MAGI1: variants seen among roughly 807,000 people sequenced by gnomAD.
The protein encoded by MAGI1 is membrane associated guanylate kinase, WW and PDZ domain containing 1.
A neutral mutation model predicts 139.9 loss-of-function variants in MAGI1; 58 were observed. That is an observed-to-expected ratio of 0.41 (90% CI 0.34 to 0.52). The LOEUF (loss-of-function observed/expected upper bound fraction) is 0.52. MAGI1 is among the 20% of genes least tolerant of loss of function. The pLI is 0.12. For missense variants in MAGI1, 1,874 were observed against 1,901.6 expected (o/e 0.99, Z 0.27); for synonymous variants, 812 against 737.9 (o/e 1.10, Z -1.63).
At chr3:65,451,072 C>T (rs1422393645) in intron 6 of MAGI1, among the ~76,000 whole-genome samples, 2 of 152,036 alleles carry the variant, frequency 1.3e-5, no homozygotes, top group Non-Finnish European at 2.9e-5. Context: ...AAACTAACTG[C>T]ATTTGGTATG....
At chr3:65,666,047 G>T (rs1207062236) in intron 1 of MAGI1, among the ~76,000 whole-genome samples, 1 of 152,062 alleles carries the variant, frequency 6.6e-6, no homozygotes, top group Non-Finnish European at 1.5e-5. Context: ...TATGGTCACT[G>T]AAAAAGTAAC....
intron 1 of MAGI1, among the ~76,000 whole-genome samples, chr3:65,899,873 T>C (rs2061146981): frequency 6.6e-6 from 1 of 152,170 alleles, no homozygotes; most frequent in African/African-American, 2.4e-5. Flanking sequence ...TCAGATACCA[T>C]AGAAGTCTTG....
chr3:65,541,817 T>C (rs936128548), intron 2 of MAGI1, among the ~76,000 whole-genome samples: 3 of 152,096 alleles, frequency 2.0e-5, no homozygotes, highest in East Asian at 3.9e-4. Context: ...AAATATCATG[T>C]TGAATGGGCA....
intron 5 of MAGI1, among the ~76,000 whole-genome samples, chr3:65,461,505 T>TC (rs1323741250): frequency 6.7e-6 from 1 of 148,812 alleles, no homozygotes; most frequent in Non-Finnish European, 1.5e-5. Context: ...TTTTTTTTTT[T>TC]TAAGACAGAG....
Position 65,551,360 on chromosome 3 carries a change from G to A in MAGI1, c.431-57729C>T, listed in dbSNP as rs975811749. ...CGGTCACCCAGGCTGGAGTGCAGTCGCATGATCTTGGCTCACTGTAGCCTC... is the reference window on the plus strand; with the variant it reads ...CGGTCACCCAGGCTGGAGTGCAGTCACATGATCTTGGCTCACTGTAGCCTC... On this transcript the variant is annotated intron_variant, in intron 2 of 22. Transcript: ENST00000402939. 4.6e-5 allele frequency among the ~76,000 whole-genome samples: 7 copies of A among 152,144 alleles called. No individual in the cohort carries two copies. In the South Asian group the frequency reaches 6.2e-4, roughly 14 times the overall value.
intron 12 of MAGI1, among the ~76,000 whole-genome samples, chr3:65,417,144 G>A (rs915597826): frequency 1.3e-5 from 2 of 152,160 alleles, no homozygotes; most frequent in African/African-American, 2.4e-5. Context: ...ACAAAGTGAG[G>A]CTGCAAGCAC....
intron 1 of MAGI1, among the ~76,000 whole-genome samples, chr3:65,830,776 A>C (rs2042479267): frequency 6.6e-6 from 1 of 152,194 alleles, no homozygotes; most frequent in Non-Finnish European, 1.5e-5. Flanking sequence ...CCATGTTTTC[A>C]GTAAGGTAAA....
Position 65,814,102 on chromosome 3 carries a change from A to T in MAGI1, c.314-192014T>A, listed in dbSNP as rs78261188. 2.6e-3 allele frequency among the ~76,000 whole-genome samples: 396 copies of T among 152,170 alleles called. 1 individual carries two copies. The highest frequency in any genetic ancestry group is 9.3e-3 in the African/African-American group (387 of 41,516). ...AAAATATACACAAACTAAAAAGAACAAGTGGCACCCCAGTATCTAGTAAGC... is the reference window on the plus strand; with the variant it reads ...AAAATATACACAAACTAAAAAGAACTAGTGGCACCCCAGTATCTAGTAAGC... On this transcript the variant is annotated intron_variant, in intron 1 of 22. Transcript: ENST00000402939.
chr3:65,950,090 CAAACAA>C (rs2063750739), intron 1 of MAGI1, among the ~76,000 whole-genome samples: 1 of 17,072 alleles, frequency 5.9e-5, no homozygotes, highest in South Asian at 2.3e-3. Context: ...AAAAAAAAAA[CAAACAA>C]AAAAAAAAAA....
chr3:65,401,383 G>GCCCCCCCCCAACCCCCCC, intron 13 of MAGI1, 56 bp downstream of exon 13: 3 of 433,080 alleles, frequency 6.9e-6, no homozygotes, highest in Non-Finnish European at 8.3e-6. Context: ...CCCACCTCCA[G>GCCCCCCCCCAACCCCCCC]CCCCCCACCA....
At chr3:65,942,949 A>G (rs943270388) in intron 1 of MAGI1, among the ~76,000 whole-genome samples, 5 of 152,112 alleles carry the variant, frequency 3.3e-5, no homozygotes, top group Non-Finnish European at 5.9e-5. Context: ...TGAACTCGGG[A>G]GGTGGAGGTT....
intron 1 of MAGI1, among the ~76,000 whole-genome samples, chr3:65,986,937 C>A (rs905484613): frequency 6.8e-6 from 1 of 147,792 alleles, no homozygotes; most frequent in African/African-American, 2.5e-5. Flanking sequence ...GTGGCATGAT[C>A]TCAGTTCACT....
chr3:65,688,226 A>G (rs879095183), intron 1 of MAGI1: 1 of 800,312 alleles, frequency 1.2e-6, no homozygotes, highest in South Asian at 1.3e-5. Context: ...AGCAGGACAT[A>G]GTCTGCTACA....
chr3:65,630,670 A>G (rs1377539422), intron 1 of MAGI1, among the ~76,000 whole-genome samples: 2 of 152,328 alleles, frequency 1.3e-5, no homozygotes, highest in East Asian at 3.9e-4. Context: ...GAGGACAAAA[A>G]GACATACAGA....
intron 1 of MAGI1, among the ~76,000 whole-genome samples, chr3:65,829,572 G>A (rs987580641): frequency 1.3e-5 from 2 of 152,152 alleles, no homozygotes; most frequent in East Asian, 1.9e-4. Flanking sequence ...CCAGAAGTGT[G>A]AGCAATAAAT....
At chr3:65,416,726 C>T (rs1946247577) in intron 12 of MAGI1, among the ~76,000 whole-genome samples, 1 of 152,140 alleles carries the variant, frequency 6.6e-6, no homozygotes. Flanking sequence ...CAATAAAGGG[C>T]ATTTTCCACG....
chr3:65,769,793 C>T (rs1004040710), intron 1 of MAGI1, among the ~76,000 whole-genome samples: 1 of 151,906 alleles, frequency 6.6e-6, no homozygotes, highest in African/African-American at 2.4e-5. Context: ...CTGTTAAAAG[C>T]AAAAAAGGTG....
intron 1 of MAGI1, among the ~76,000 whole-genome samples, chr3:65,945,959 T>C (rs2063527816): frequency 6.6e-6 from 1 of 152,220 alleles, no homozygotes; most frequent in Non-Finnish European, 1.5e-5. Flanking sequence ...TTTAAAAATC[T>C]TTAGTATTAA....
At chr3:65,926,933 T>C (rs1049235291) in intron 1 of MAGI1, among the ~76,000 whole-genome samples, 7 of 152,264 alleles carry the variant, frequency 4.6e-5, no homozygotes, top group East Asian at 1.9e-4. Context: ...AGGCGGAGTT[T>C]GCAGTGAGCC....
Sources: allele counts gnomAD v4.1 joint callset (sites outside exome capture counted in the v4.1 genomes callset), GRCh38; gene constraint gnomAD v4.1.1; transcripts MANE v1.5; gene names NCBI Gene and HGNC (gene_info 2026-07-23, HGNC 2026-07-21).